ADAM15: variants seen among roughly 807,000 people sequenced by gnomAD.
ADAM15 encodes the protein disintegrin and metalloproteinase domain-containing protein 15.
A neutral mutation model predicts 113.8 loss-of-function variants in ADAM15; 77 were observed. That is an observed-to-expected ratio of 0.68 (90% CI 0.56 to 0.82). The LOEUF is 0.82. Ranked by LOEUF, ADAM15 falls within the 40% of genes least tolerant of loss-of-function variation. The pLI is 0.00. For synonymous variants in ADAM15, 388 were observed against 454.1 expected (o/e 0.85, Z 1.85); for missense variants, 963 against 1,120.1 (o/e 0.86, Z 2.00).
Position 155,052,752 on chromosome 1 carries a change from C to T in ADAM15, c.161C>T (p.Pro54Leu). ...LEPQVLQDDL[P>L]ISLKKVLQTS... ...CCCCAGGTCCTTCAGGACGATCTCCCAATTAGCCTCAAAAAGGTGCTTCAG... is the reference window on the plus strand; with the variant it reads ...CCCCAGGTCCTTCAGGACGATCTCCTAATTAGCCTCAAAAAGGTGCTTCAG... The change falls in exon 2 of 23, where the codon CCA (proline) becomes CTA (leucine). Residue 54 changes from proline to leucine, a missense_variant. Physicochemically the swap from Pro to Leu is moderately conservative, Grantham distance 98. Coordinates refer to ENST00000356955, the MANE Select transcript of ADAM15 (RefSeq NM_207197.3). 6.2e-7 allele frequency: 1 copy of T among 1,612,084 alleles called. No homozygotes were observed. The highest frequency in any genetic ancestry group is 8.5e-7 in the Non-Finnish European group (1 of 1,179,340).
In ADAM15 at chr1:155,056,589, G is replaced by T. The variant is rs1661795277; in HGVS notation, c.999+119G>T. 1 of 954,844 alleles carries T rather than the reference G, an allele frequency of 1.0e-6. No individual in the cohort carries two copies. Among genetic ancestry groups the T allele is most frequent in the Non-Finnish European group, 1.6e-6 (1 of 632,684 alleles). The allele number at this position is 954,844 out of a possible 1,614,324, so 59.1% of individuals were successfully genotyped here. Reference sequence around the variant, plus strand: ...AACCCCAAAGCTACAGGTATAGAGGGTGGAGGTACGTGATGTGGCCTTTGC... The same window carrying T: ...AACCCCAAAGCTACAGGTATAGAGGTTGGAGGTACGTGATGTGGCCTTTGC... On this transcript the variant is annotated intron_variant, in intron 10 of 22. Coordinates refer to ENST00000356955, the MANE Select transcript of ADAM15 (RefSeq NM_207197.3). The surrounding 1 kb of genome is among the most constrained non-coding windows in gnomAD (Gnocchi z 4.0).
At position 155,058,668 on chromosome 1, in the gene ADAM15, C is replaced by T. The variant is rs775224407; in HGVS notation, c.1918-42C>T. The T allele has an allele frequency of 6.3e-7, 1 of 1,597,830 alleles. No individual in the cohort carries two copies. The highest frequency in any genetic ancestry group is 8.5e-7 in the Non-Finnish European group (1 of 1,172,458). On this transcript the variant is annotated intron_variant, in intron 15 of 22. Transcript: ENST00000356955. The surrounding 1 kb of genome is among the most constrained non-coding windows in gnomAD (Gnocchi z 4.3). Reference sequence around the variant, plus strand: ...TATTGGCCTCCCAGTCCCATTAAAGCTTTGTGGGAATCTGATCCAGGCTCT... The same window carrying T: ...TATTGGCCTCCCAGTCCCATTAAAGTTTTGTGGGAATCTGATCCAGGCTCT...
chr1:155,054,281 G>A, intron 5 of ADAM15, 33 bp from the exon 6 acceptor site: 1 of 1,586,758 alleles, frequency 6.3e-7, no homozygotes, highest in Non-Finnish European at 8.6e-7. Context: ...CAGGCATGGA[G>A]CTGAAATGTT....
rs759559084 is a variant in ADAM15, at chr1:155,054,130, A to G, written c.343-20A>G. The G allele has an allele frequency of 6.2e-7, 1 of 1,613,928 alleles. No homozygotes were observed. The highest frequency in any genetic ancestry group is 8.5e-7 in the Non-Finnish European group (1 of 1,179,962). ...TGGTGTGCTCTCTGAGACAGCACTA[A>G]TGTTGTTCCCATGCTGCAGGAGAAC... is the stretch of plus-strand genomic sequence containing the variant. On this transcript the variant is annotated intron_variant, in intron 4 of 22. Transcript: ENST00000356955.
intron 1 of ADAM15, 171 bp from the exon 2 acceptor site, chr1:155,052,500 A>G (rs1661188283): frequency 6.5e-7 from 1 of 1,538,730 alleles, no homozygotes; most frequent in Non-Finnish European, 8.7e-7. Context: ...AATTAGAGAG[A>G]CACCCTCTCC....
In ADAM15 at chr1:155,059,197, C is replaced by G. The variant is rs181806359; in HGVS notation, c.1995+410C>G. 2.0e-3 allele frequency among the ~76,000 whole-genome samples: 301 copies of G among 152,202 alleles called. 1 individual carries two copies. Among genetic ancestry groups the G allele is most frequent in the South Asian group, 0.014 (67 of 4,824 alleles). On this transcript the variant is annotated intron_variant, in intron 16 of 22. Coordinates refer to ENST00000356955, the MANE Select transcript of ADAM15 (RefSeq NM_207197.3). ...TTACTCATGTCTCAGCCTCCCTACT[C>G]GCTGGGATTACAGTCACCCGCCACC...
At chr1:155,059,788 A>G (rs779893183) in intron 16 of ADAM15, 114 bp from the exon 17 acceptor site, 33 of 1,151,956 alleles carry the variant, frequency 2.9e-5, no homozygotes, top group Non-Finnish European at 4.0e-5. Context: ...GGCTGTCTCT[A>G]CACACATACC....
rs1238060108 is a variant in ADAM15 at position 155,060,976 on chromosome 1, G to T, written c.2277+144G>T. ...AGTCGAAGGAGTCAGGGCCAGCCCT[G>T]CCCTCCCCTCCCCTGGCTACAGGCA... On this transcript the variant is annotated intron_variant, in intron 19 of 22. Transcript: ENST00000356955. The T allele has an allele frequency of 1.4e-5, 11 of 776,796 alleles. No homozygotes were observed. The East Asian group carries it at 2.4e-4, about 17-fold the overall frequency. The allele number at this position is 776,796 out of a possible 1,614,324, so 48.1% of individuals were successfully genotyped here. A position where few individuals can be genotyped will look rare whatever the true frequency, so the allele number is the denominator to read the frequency against.
Position 155,061,458 on chromosome 1 carries a change from T to C in ADAM15, c.2321T>C (p.Leu774Pro), listed in dbSNP as rs1041685889. The change falls in exon 20 of 23, where the codon CTG (leucine) becomes CCG (proline). Residue 774 changes from leucine (L) to proline (P), a missense_variant. Coordinates refer to ENST00000356955, the MANE Select transcript of ADAM15 (RefSeq NM_207197.3). The stretch of plus-strand genomic sequence containing the variant: ...TTCCCGGCCCCCCCTTCCAGGCCGC[T>C]GCCGCCTGACCCTGTGTCCAAGAGA... Reference protein sequence around the residue: ...LSFPAPPSRPLPPDPVSKRLQ... With the variant: ...LSFPAPPSRPPPPDPVSKRLQ... The C allele has an allele frequency of 5.0e-6, 8 of 1,613,742 alleles. No homozygotes were observed. The highest frequency in any genetic ancestry group is 2.2e-5 in the South Asian group (2 of 91,060).
chr1:155,052,321 G>C, intron 1 of ADAM15: 3 of 628,018 alleles, frequency 4.8e-6, no homozygotes, highest in Non-Finnish European at 8.2e-6. Context: ...TCAGTCTCGA[G>C]AGGGGGCGTT....
At position 155,056,832 on chromosome 1, in the gene ADAM15, G is replaced by A; in HGVS notation, c.1000-121G>A. 7.3e-7 allele frequency: 1 copy of A among 1,378,522 alleles called. No individual in the cohort carries two copies. The allele number at this position is 1,378,522 out of a possible 1,614,324, so 85.4% of individuals were successfully genotyped here. The stretch of plus-strand genomic sequence containing the variant: ...ACTTTAGAAGCAATTCAGGAGGGAA[G>A]CAGTGCCTGCTGAGTGCCCACGAGG... On this transcript the variant is annotated intron_variant, in intron 10 of 22. Transcript: ENST00000356955. The surrounding 1 kb of genome is among the most constrained non-coding windows in gnomAD (Gnocchi z 4.0).
At position 155,053,107 on chromosome 1, in the gene ADAM15, A is replaced by ACC. The variant is rs5777934; in HGVS notation, c.187-298_187-297dup. On this transcript the variant is annotated intron_variant, in intron 2 of 22. Coordinates refer to ENST00000356955, the MANE Select transcript of ADAM15 (RefSeq NM_207197.3). ...TTGGAAAGAGTCAGGACCTTACCAA[A>ACC]CCCCCCCCCCCCCACCCCATTCTAA... Among the ~76,000 whole-genome samples the ACC allele has an allele frequency of 4.3e-3, 441 of 102,320 alleles. 21 individuals carry two copies. Among genetic ancestry groups the ACC allele is most frequent in the Admixed American group, 6.0e-3 (50 of 8,300 alleles). 67.1% of individuals were successfully genotyped at this position (102,320 alleles called of 152,430 possible). A position where few individuals can be genotyped will look rare whatever the true frequency, so the allele number is the denominator to read the frequency against.
chr1:155,060,776 G>C lies in ADAM15; in HGVS notation c.2221G>C (p.Gly741Arg). 1 of 1,613,758 alleles carries C rather than the reference G, an allele frequency of 6.2e-7. No individual in the cohort carries two copies. Among genetic ancestry groups the C allele is most frequent in the Non-Finnish European group, 8.5e-7 (1 of 1,179,990 alleles). ...CCTCATGCATAGGGCAGCCCAATCT[G>C]GTCCCTCTGAACGGCCAGGACCTCC... ...PTCQYRAAQSGPSERPGPPQR... is the reference protein window; with the variant it reads ...PTCQYRAAQSRPSERPGPPQR... The change falls in exon 19 of 23, where the codon GGT (glycine) becomes CGT (arginine). Residue 741 changes from glycine to arginine, a missense_variant. Gly to Arg is a moderately radical substitution (Grantham distance 125). Coordinates refer to ENST00000356955, the MANE Select transcript of ADAM15 (RefSeq NM_207197.3).
In ADAM15 at chr1:155,055,962, C is replaced by T; in HGVS notation, c.706C>T (p.Leu236=). Residue 236 remains leucine (L), a synonymous_variant, in exon 8 of 23, where the codon CTA becomes TTA. Coordinates refer to ENST00000356955, the MANE Select transcript of ADAM15 (RefSeq NM_207197.3). ...AQKYRDFQHL[L]NRTLEVALLL... is the part of the protein sequence containing the mutation. ...GAAATACCGGGACTTCCAGCACCTG[C>T]TAAACCGCACACTGGAAGTGGCCCT... 2 of 1,614,174 alleles carry T rather than the reference C, an allele frequency of 1.2e-6. No homozygotes were observed. The highest frequency in any genetic ancestry group is 1.7e-6 in the Non-Finnish European group (2 of 1,180,038).
chr1:155,053,560 C>A, intron 3 of ADAM15, 67 bp downstream of exon 3: 2 of 1,528,648 alleles, frequency 1.3e-6, no homozygotes, highest in Non-Finnish European at 1.8e-6. Context: ...TATTATGTGC[C>A]AGGTACTAAG....
Position 155,060,426 on chromosome 1 carries a change from C to G in ADAM15, c.2207+83C>G, listed in dbSNP as rs1042436487. 1.1e-5 allele frequency: 17 copies of G among 1,574,760 alleles called. No homozygotes were observed. In the Admixed American group the frequency reaches 1.4e-4, roughly 13 times the overall value. Reference sequence around the variant, plus strand: ...GCCTCACCTCTGCAGCCCCTGCCACCTGGTTCTGAGCCCCAGGCCCCTTGG... The same window carrying G: ...GCCTCACCTCTGCAGCCCCTGCCACGTGGTTCTGAGCCCCAGGCCCCTTGG... On this transcript the variant is annotated intron_variant, in intron 18 of 22. Coordinates refer to ENST00000356955, the MANE Select transcript of ADAM15 (RefSeq NM_207197.3).
At position 155,057,693 on chromosome 1, in the gene ADAM15, G is replaced by A. The variant is rs1400589117; in HGVS notation, c.1380G>A (p.Gln460=). The A allele has an allele frequency of 1.2e-6, 2 of 1,614,176 alleles. No individual in the cohort carries two copies. Among genetic ancestry groups the A allele is most frequent in the South Asian group, 1.1e-5 (1 of 91,084 alleles). Residue 460 remains glutamine, a synonymous_variant, in exon 13 of 23, where the codon CAG becomes CAA. Transcript: ENST00000356955. The surrounding 1 kb of genome is among the most constrained non-coding windows in gnomAD (Gnocchi z 5.0). ...CCTGCCAGCTGAGGCCAGGTGCACA[G>A]TGTGCATCTGACGGACCCTGTTGTC... ...SLTCQLRPGA[Q]CASDGPCCQN...
chr1:155,059,159 C>G (rs1232979429), intron 16 of ADAM15, among the ~76,000 whole-genome samples: 1 of 152,146 alleles, frequency 6.6e-6, no homozygotes, highest in Non-Finnish European at 1.5e-5. Context: ...CCTCTGCCTC[C>G]CAGGCTCAAA....
Position 155,058,484 on chromosome 1 carries a change from T to A in ADAM15, c.1917+43T>A, listed in dbSNP as rs1237034483. ...GCAAGACCAGGTGTGAGAAGGGACA[T>A]TTGGACCACAATGAACAGAGCCCAG... On this transcript the variant is annotated intron_variant, in intron 15 of 22. Coordinates refer to ENST00000356955, the MANE Select transcript of ADAM15 (RefSeq NM_207197.3). This position sits in a 1 kb window ranked among gnomAD's most constrained non-coding sequence, Gnocchi z 4.3. 5 of 1,600,924 alleles carry A rather than the reference T, an allele frequency of 3.1e-6. No homozygotes were observed. The Admixed American group carries it at 6.8e-5, about 22-fold the overall frequency.
Sources: allele counts gnomAD v4.1 joint callset (sites outside exome capture counted in the v4.1 genomes callset), GRCh38; gene constraint gnomAD v4.1.1; non-coding constraint Gnocchi (gnomAD v3.1); transcripts MANE v1.5; gene names NCBI Gene and HGNC (gene_info 2026-07-23, HGNC 2026-07-21).